The following DTWD1 variants were observed in gnomAD, a reference collection of about 807,000 sequenced individuals.
DTWD1 encodes the protein DTW motif tRNA-uridine aminocarboxypropyltransferase 1.
A neutral mutation model predicts 30.2 loss-of-function variants in DTWD1; 27 were observed. The observed-to-expected ratio is 0.90, with a 90% CI of 0.66 to 1.23. The LOEUF is 1.23. DTWD1 is among the 50% of genes most tolerant of loss of function. The pLI, the probability that DTWD1 is intolerant of heterozygous loss-of-function variation, is 0.00. For missense variants in DTWD1, 342 were observed against 348.8 expected, an observed-to-expected ratio of 0.98 and a Z score of 0.15; for synonymous variants, 99 against 113.1, an observed-to-expected ratio of 0.88 and a Z score of 0.79.
intron 4 of DTWD1, among the ~76,000 whole-genome samples, chr15:49,637,378 T>A (rs1361570436): frequency 6.6e-6 from 1 of 152,142 alleles, no homozygotes; most frequent in African/African-American, 2.4e-5. Context: ...ACTTGTACTT[T>A]TTTTCTGTCT....
Position 49,654,065 on chromosome 15 carries a change from C to CT in DTWD1, c.*10493dup, listed in dbSNP as rs1242210141. The CT allele has an allele frequency of 2.0e-5, 3 of 151,984 alleles. No individual in the cohort carries two copies. Among genetic ancestry groups the CT allele is most frequent in the Non-Finnish European group, 4.4e-5 (3 of 67,932 alleles). The allele number at this position is 151,984 out of a possible 1,614,324, so 9.4% of individuals were successfully genotyped here. On this transcript the variant is annotated 3_prime_UTR_variant, in exon 5 of 5. Coordinates refer to ENST00000403028, the MANE Select transcript of DTWD1 (RefSeq NM_001144955.2). ...TTTATGCTTCCTGTTTCCTTGTCTCCTTTTTTGAATGATAGTCTCTGTGTG... is the reference window on the plus strand; with the variant it reads ...TTTATGCTTCCTGTTTCCTTGTCTCCTTTTTTTGAATGATAGTCTCTGTGTG...
intron 1 of DTWD1, among the ~76,000 whole-genome samples, chr15:49,622,409 T>TA (rs1354822919): frequency 2.0e-5 from 3 of 152,216 alleles, no homozygotes; most frequent in Non-Finnish European, 4.4e-5. Context: ...TAGAGGATTA[T>TA]ATACAAGGTA....
rs1349922146 is a variant in DTWD1 at position 49,625,378 on chromosome 15, A to G, written c.211A>G (p.Thr71Ala). Residue 71 changes from threonine to alanine, a missense_variant, in exon 2 of 5, where the codon ACA (threonine) becomes GCA (alanine). By Grantham distance (58) the Thr-to-Ala change is moderately conservative (BLOSUM62 0). Coordinates refer to ENST00000403028, the MANE Select transcript of DTWD1 (RefSeq NM_001144955.2). ...TGGTTCCAGAATGTTCTACTGCTAT[A>G]CATGTTATGTTCCAGTTGAAAATGT... The part of the protein sequence containing the change: ...CGGSRMFYCY[T>A]CYVPVENVPI... 1.2e-6 allele frequency: 2 copies of G among 1,613,796 alleles called. No individual in the cohort carries two copies. The highest frequency in any genetic ancestry group is 2.2e-5 in the South Asian group (2 of 91,066).
rs2079089000 is a variant in DTWD1 at position 49,643,347 on chromosome 15, G to C, written c.684G>C (p.Glu228Asp). 6.8e-7 allele frequency: 1 copy of C among 1,480,342 alleles called. No individual in the cohort carries two copies. The highest frequency in any genetic ancestry group is 8.9e-7 in the Non-Finnish European group (1 of 1,121,854). The allele number at this position is 1,480,342 out of a possible 1,614,324, so 91.7% of individuals were successfully genotyped here. ...DERLQGLLQVELKTRKTCFWR... is the reference protein window; with the variant it reads ...DERLQGLLQVDLKTRKTCFWR... The stretch of plus-strand genomic sequence containing the variant: ...TTTTGACAGGGTTGTTACAAGTTGA[G>C]TTGAAAACAAGAAAAACTTGCTTTT... Residue 228 changes from glutamate (E) to aspartate (D), a missense_variant, in exon 5 of 5, where the codon GAG (glutamate) becomes GAC (aspartate). Glu to Asp is a conservative substitution (Grantham distance 45). Transcript: ENST00000403028.
At chr15:49,640,928 C>G (rs907499723) in intron 4 of DTWD1, among the ~76,000 whole-genome samples, 2 of 151,998 alleles carry the variant, frequency 1.3e-5, no homozygotes, top group African/African-American at 2.4e-5. Context: ...TTGAATCCTT[C>G]TCTTCTGCAA....
At chr15:49,621,330 G>A (rs1238957702) in intron 1 of DTWD1, 1 of 152,126 alleles carries the variant, frequency 6.6e-6, no homozygotes, top group African/African-American at 2.4e-5. Context: ...TGGGAAAAAG[G>A]TTTCCAAATT....
rs2079124197 is a variant in DTWD1 at position 49,647,043 on chromosome 15, G to A, written c.*3465G>A. The A allele has an allele frequency of 6.6e-6, 1 of 152,166 alleles. No individual in the cohort carries two copies. Among genetic ancestry groups the A allele is most frequent in the Admixed American group, 6.6e-5 (1 of 15,266 alleles). 9.4% of individuals were successfully genotyped at this position (152,166 alleles called of 1,614,324 possible). A position where few individuals can be genotyped will look rare whatever the true frequency, so the allele number is the denominator to read the frequency against. On this transcript the variant is annotated 3_prime_UTR_variant, in exon 5 of 5. Coordinates refer to ENST00000403028, the MANE Select transcript of DTWD1 (RefSeq NM_001144955.2). ...TACTGGGGTAATAAAGGTCTGGAAG[G>A]CTGCAGCAGAAGAGATTTAGAGAAG...
At chr15:49,624,746 T>C (rs1220003796) in intron 1 of DTWD1, among the ~76,000 whole-genome samples, 1 of 152,174 alleles carries the variant, frequency 6.6e-6, no homozygotes, top group Non-Finnish European at 1.5e-5. Flanking sequence ...CCAATTCCAC[T>C]AGAATCTTCT....
At chr15:49,629,764 T>C (rs2078893852) in intron 2 of DTWD1, 2 of 152,192 alleles carry the variant, frequency 1.3e-5, no homozygotes, top group South Asian at 2.1e-4. Context: ...GTTTGATGAT[T>C]AGAAGCAATT....
In DTWD1 at chr15:49,646,600, G is replaced by A. The variant is rs1390578141; in HGVS notation, c.*3022G>A. The A allele has an allele frequency of 3.3e-5, 5 of 152,228 alleles. No homozygotes were observed. The highest frequency in any genetic ancestry group is 5.9e-5 in the Non-Finnish European group (4 of 68,130). 9.4% of individuals were successfully genotyped at this position (152,228 alleles called of 1,614,324 possible). A position where few individuals can be genotyped will look rare whatever the true frequency, so the allele number is the denominator to read the frequency against. On this transcript the variant is annotated 3_prime_UTR_variant, in exon 5 of 5. Coordinates refer to ENST00000403028, the MANE Select transcript of DTWD1 (RefSeq NM_001144955.2). ...TGAAGTTAACTGTCTGAAAAACTTG[G>A]ATCAATGGACTAGAAAAAGCTGCTG...
At chr15:49,635,496 T>G (rs2078989490) in intron 4 of DTWD1, among the ~76,000 whole-genome samples, 1 of 152,056 alleles carries the variant, frequency 6.6e-6, no homozygotes, top group African/African-American at 2.4e-5. Context: ...TTCTTGTTGT[T>G]GTTTGTTTGT....
rs1428245982 is a variant in DTWD1, at chr15:49,632,378, TACTC to T, written c.408+78_408+81del. On this transcript the variant is annotated intron_variant, in intron 3 of 4. Transcript: ENST00000403028. ...TTAACCTCCATTGCCTTTCTGAACT[TACTC>T]AAACATAATTTAATATTTTTCTTAG... 13 of 1,339,218 alleles carry T rather than the reference TACTC, an allele frequency of 9.7e-6. No individual in the cohort carries two copies. In the East Asian group the frequency reaches 1.2e-4, roughly 13 times the overall value. The allele number at this position is 1,339,218 out of a possible 1,614,324, so 83.0% of individuals were successfully genotyped here.
In DTWD1 at chr15:49,652,305, G is replaced by A. The variant is rs1173573275; in HGVS notation, c.*8727G>A. 1 of 152,148 alleles carries A rather than the reference G, an allele frequency of 6.6e-6. No homozygotes were observed. The highest frequency in any genetic ancestry group is 2.1e-4 in the South Asian group (1 of 4,828). The allele number at this position is 152,148 out of a possible 1,614,324, so 9.4% of individuals were successfully genotyped here. Reference sequence around the variant, plus strand: ...GTTCCTTGTGTCTGTCTAGGGAGCAGCAGCCAATAAAAGGAGTCAAGATCA... The same window carrying A: ...GTTCCTTGTGTCTGTCTAGGGAGCAACAGCCAATAAAAGGAGTCAAGATCA... On this transcript the variant is annotated 3_prime_UTR_variant, in exon 5 of 5. Transcript: ENST00000403028.
chr15:49,639,018 C>T (rs2079034916), intron 4 of DTWD1, among the ~76,000 whole-genome samples: 1 of 152,118 alleles, frequency 6.6e-6, no homozygotes, highest in Admixed American at 6.6e-5. Context: ...TTAGCCAGCT[C>T]TTTCCCTTCA....
chr15:49,633,687 T>C, intron 3 of DTWD1: 1 of 226,280 alleles, frequency 4.4e-6, no homozygotes, highest in Non-Finnish European at 9.0e-6. Flanking sequence ...TTTATCTTTT[T>C]ATTTTAAAAA....
At position 49,655,666 on chromosome 15, in the gene DTWD1, C is replaced by G. The variant is rs1173796030; in HGVS notation, c.*12088C>G. 1.3e-5 allele frequency: 2 copies of G among 152,048 alleles called. No homozygotes were observed. Among genetic ancestry groups the G allele is most frequent in the African/African-American group, 2.4e-5 (1 of 41,424 alleles). 9.4% of individuals were successfully genotyped at this position (152,048 alleles called of 1,614,324 possible). On this transcript the variant is annotated 3_prime_UTR_variant, in exon 5 of 5. Coordinates refer to ENST00000403028, the MANE Select transcript of DTWD1 (RefSeq NM_001144955.2). ...CGATGAGGTATAGCTTGAAGTCATT[C>G]TAAAGTCTTCACAAAGGATCTTACA...
At position 49,645,853 on chromosome 15, in the gene DTWD1, C is replaced by T. The variant is rs1598673640; in HGVS notation, c.*2275C>T. On this transcript the variant is annotated 3_prime_UTR_variant, in exon 5 of 5. Coordinates refer to ENST00000403028, the MANE Select transcript of DTWD1 (RefSeq NM_001144955.2). Reference sequence around the variant, plus strand: ...CTATTAGAACAATGAATTGACTATACTTGTCTTAGTTTTTTTTGTTTGTTT... The same window carrying T: ...CTATTAGAACAATGAATTGACTATATTTGTCTTAGTTTTTTTTGTTTGTTT... The T allele has an allele frequency of 6.6e-6, 1 of 152,074 alleles. No homozygotes were observed. The highest frequency in any genetic ancestry group is 1.5e-5 in the Non-Finnish European group (1 of 68,024). The allele number at this position is 152,074 out of a possible 1,614,324, so 9.4% of individuals were successfully genotyped here.
At chr15:49,625,014 A>T in intron 1 of DTWD1, 99 bp from the exon 2 acceptor site, 1 of 739,592 alleles carries the variant, frequency 1.4e-6, no homozygotes, top group Non-Finnish European at 2.2e-6. Context: ...GTACTAAAAC[A>T]GCACACAATT....
At chr15:49,631,288 G>A (rs191217736) in intron 2 of DTWD1, among the ~76,000 whole-genome samples, 1 of 152,016 alleles carries the variant, frequency 6.6e-6, no homozygotes. Flanking sequence ...CACCTCTTAG[G>A]TCTATTGTTA....
Sources: gnomAD v4.1 joint callset for allele counts (sites outside exome capture counted in the v4.1 genomes callset) on GRCh38, gnomAD v4.1.1 for gene constraint, MANE v1.5 for transcripts, NCBI Gene and HGNC (gene_info 2026-07-23, HGNC 2026-07-21) for gene names.